Variants in ZNF292 observed in about 807,000 individuals in gnomAD.
ZNF292 encodes 16 zinc-finger domain protein.
A neutral mutation model predicts 217.9 loss-of-function variants in ZNF292; 26 were observed. That is an observed-to-expected ratio of 0.12 (90% CI 0.09 to 0.17). ZNF292 has a LOEUF of 0.17. Ranked by LOEUF, ZNF292 falls within the 10% of genes least tolerant of loss-of-function variation. ZNF292 has a pLI of 1.00. For synonymous variants in ZNF292, 1,257 were observed against 1,124.1 expected, an observed-to-expected ratio of 1.12 and a Z score of -2.37; for missense variants, 2,904 against 3,175.2, an observed-to-expected ratio of 0.91 and a Z score of 2.05.
intron 1 of ZNF292, among the ~76,000 whole-genome samples, chr6:87,159,122 GT>G (rs890449230): frequency 1.3e-5 from 2 of 152,304 alleles, no homozygotes; most frequent in African/African-American, 4.8e-5. Flanking sequence ...ATGATCCGTA[GT>G]TTATAGATTT....
chr6:87,189,205 AG>A (rs879450177), intron 1 of ZNF292, among the ~76,000 whole-genome samples: 1 of 152,068 alleles, frequency 6.6e-6, no homozygotes, highest in African/African-American at 2.4e-5. Flanking sequence ...ACTCCAACTC[AG>A]AAATAAATAA....
intron 4 of ZNF292, among the ~76,000 whole-genome samples, chr6:87,225,784 C>G (rs1220075420): frequency 6.6e-6 from 1 of 152,112 alleles, no homozygotes; most frequent in Admixed American, 6.5e-5. Flanking sequence ...AAATCTTAAG[C>G]TTATCAAAGA....
At chr6:87,211,916 T>A (rs753112575) in intron 1 of ZNF292, among the ~76,000 whole-genome samples, 1 of 152,164 alleles carries the variant, frequency 6.6e-6, no homozygotes, top group South Asian at 2.1e-4. Flanking sequence ...AATATAAATA[T>A]ATGTGTATAG....
At chr6:87,239,612 G>A (rs1295790027) in intron 5 of ZNF292, among the ~76,000 whole-genome samples, 1 of 149,484 alleles carries the variant, frequency 6.7e-6, no homozygotes, top group African/African-American at 2.5e-5. Flanking sequence ...GCTGGACGGA[G>A]GGGCTCCTCA....
rs138544779 is a variant in ZNF292 at position 87,247,236 on chromosome 6, AACCACCCCCTC to A, written c.1020+1599_1020+1609del. Among the ~76,000 whole-genome samples, 972 of 150,672 alleles carry A rather than the reference AACCACCCCCTC, an allele frequency of 6.5e-3. 17 individuals are homozygous for A. Among genetic ancestry groups the A allele is most frequent in the African/African-American group, 0.023 (948 of 40,882 alleles). On this transcript the variant is annotated intron_variant, in intron 7 of 7. Coordinates refer to ENST00000369577, the MANE Select transcript of ZNF292 (RefSeq NM_015021.3). ...CTACTTGGGTAGGTAGATCTGAAAC[AACCACCCCCTC>A]ACCACCGCCCCCTGCCACCCGCAAC...
At chr6:87,239,940 C>G (rs1582480534) in intron 5 of ZNF292, among the ~76,000 whole-genome samples, 1 of 151,804 alleles carries the variant, frequency 6.6e-6, no homozygotes, top group African/African-American at 2.4e-5. Flanking sequence ...CCTCACTTCC[C>G]AGACGGGGTG....
intron 1 of ZNF292, among the ~76,000 whole-genome samples, chr6:87,165,757 C>CTTTTTT (rs71014998): frequency 2.3e-5 from 3 of 131,252 alleles, no homozygotes; most frequent in Admixed American, 7.9e-5. Context: ...GTTTACATTT[C>CTTTTTT]TTTTTTTTTT....
intron 5 of ZNF292, among the ~76,000 whole-genome samples, chr6:87,238,948 T>A (rs1414227793): frequency 6.6e-6 from 1 of 152,140 alleles, no homozygotes; most frequent in East Asian, 1.9e-4. Flanking sequence ...CCTTAATCCA[T>A]TTAACCCTGA....
rs370807498 is a variant in ZNF292 at position 87,257,978 on chromosome 6, A to G, written c.4349A>G (p.Asp1450Gly). The change falls in exon 8 of 8, where the codon GAT (aspartate) becomes GGT (glycine). Residue 1450 changes from aspartate (D) to glycine (G), a missense_variant. By Grantham distance (94) the Asp-to-Gly change is moderately conservative. Transcript: ENST00000369577. The part of the protein sequence containing the change: ...STFNPEACFK[D>G]PSFLQLLAEN... ...TTCAATCCAGAAGCATGTTTTAAAG[A>G]TCCATCATTTCTACAGCTTCTTGCT... 28 of 1,613,794 alleles carry G rather than the reference A, an allele frequency of 1.7e-5. No individual in the cohort carries two copies. The highest frequency in any genetic ancestry group is 1.7e-4 in the Admixed American group (10 of 59,984).
At chr6:87,208,172 A>G (rs1772326597) in intron 1 of ZNF292, among the ~76,000 whole-genome samples, 2 of 152,062 alleles carry the variant, frequency 1.3e-5, no homozygotes, top group Admixed American at 1.3e-4. Context: ...TTCCCCCACC[A>G]ATCTTATTTT....
chr6:87,233,193 C>T, intron 4 of ZNF292, 132 bp from the exon 5 acceptor site: 1 of 646,318 alleles, frequency 1.5e-6, no homozygotes, highest in South Asian at 2.2e-5. Context: ...TTGTGATAGC[C>T]TTACTAGCAA....
At chr6:87,206,432 T>G (rs1383375999) in intron 1 of ZNF292, among the ~76,000 whole-genome samples, 1 of 152,076 alleles carries the variant, frequency 6.6e-6, no homozygotes, top group Non-Finnish European at 1.5e-5. Context: ...TCATTCACAT[T>G]TTGCCATATT....
chr6:87,169,468 G>T (rs1389659399), intron 1 of ZNF292, among the ~76,000 whole-genome samples: 1 of 152,028 alleles, frequency 6.6e-6, no homozygotes, highest in Non-Finnish European at 1.5e-5. Flanking sequence ...GTGTTATACA[G>T]ATAATCAGAA....
intron 1 of ZNF292, among the ~76,000 whole-genome samples, chr6:87,159,366 T>A (rs1309706241): frequency 6.6e-6 from 1 of 151,804 alleles, no homozygotes; most frequent in Non-Finnish European, 1.5e-5. Flanking sequence ...AAATTTTAAA[T>A]TTTTTTATAT....
At position 87,258,259 on chromosome 6, in the gene ZNF292, A is replaced by G. The variant is rs766154099; in HGVS notation, c.4630A>G (p.Asn1544Asp). 4.0e-5 allele frequency: 64 copies of G among 1,613,174 alleles called. No homozygotes were observed. Among genetic ancestry groups the G allele is most frequent in the South Asian group, 2.1e-4 (19 of 90,938 alleles). The change falls in exon 8 of 8, where the codon AAC becomes GAC. Residue 1544 changes from asparagine to aspartate, a missense_variant. Asn to Asp is a conservative substitution (Grantham distance 23, BLOSUM62 1). Transcript: ENST00000369577. ...PPLLHTVCHP[N>D]TLLTNQNRTS... ...CCTGTTGCACACTGTATGCCATCCA[A>G]ACACCTTGCTGACCAACCAGAATAG... is the stretch of plus-strand genomic sequence containing the variant.
chr6:87,258,329 T>C lies in ZNF292; in HGVS notation c.4700T>C (p.Leu1567Ser), dbSNP rs1266943260. The change falls in exon 8 of 8, where the codon TTG (leucine) becomes TCG (serine). Residue 1567 changes from leucine to serine, a missense_variant. Physicochemically the swap from Leu to Ser is moderately radical, Grantham distance 145 (BLOSUM62 -2). Coordinates refer to ENST00000369577, the MANE Select transcript of ZNF292 (RefSeq NM_015021.3). ...TCCTCCATTGAGGAATGTAGCAGCTTGCCTGTTTTTCCAACGAATGACTTA... is the reference window on the plus strand; with the variant it reads ...TCCTCCATTGAGGAATGTAGCAGCTCGCCTGTTTTTCCAACGAATGACTTA... The part of the protein sequence containing the change: ...KTSSIEECSS[L>S]PVFPTNDLLL... 6.2e-7 allele frequency: 1 copy of C among 1,613,664 alleles called. No homozygotes were observed. The highest frequency in any genetic ancestry group is 2.2e-5 in the East Asian group (1 of 44,882).
intron 1 of ZNF292, among the ~76,000 whole-genome samples, chr6:87,186,298 A>C (rs1206783993): frequency 6.6e-6 from 1 of 152,238 alleles, no homozygotes; most frequent in Non-Finnish European, 1.5e-5. Context: ...CTGTAATGTT[A>C]CTTTATATTC....
intron 1 of ZNF292, 47 bp downstream of exon 1, chr6:87,155,806 G>A (rs758650655): frequency 6.6e-6 from 10 of 1,514,114 alleles, no homozygotes; most frequent in South Asian, 1.3e-5. Flanking sequence ...GCTAGAGGGG[G>A]AAGAGGGCGA....
chr6:87,185,901 G>T lies in ZNF292; in HGVS notation c.169-30002G>T, dbSNP rs1015778903. 2.0e-5 allele frequency among the ~76,000 whole-genome samples: 3 copies of T among 152,218 alleles called. No individual in the cohort carries two copies. In the East Asian group the frequency reaches 5.8e-4, roughly 29 times the overall value. On this transcript the variant is annotated intron_variant, in intron 1 of 7. Coordinates refer to ENST00000369577, the MANE Select transcript of ZNF292 (RefSeq NM_015021.3). ...GGAAAGGGGCTCAGGGACCTTCCACGCCCTGCCTGGGTACACCTCCCTCCA... is the reference window on the plus strand; with the variant it reads ...GGAAAGGGGCTCAGGGACCTTCCACTCCCTGCCTGGGTACACCTCCCTCCA...
Sources: allele counts gnomAD v4.1 joint callset (sites outside exome capture counted in the v4.1 genomes callset), GRCh38; gene constraint gnomAD v4.1.1; transcripts MANE v1.5; gene names NCBI Gene and HGNC (gene_info 2026-07-23, HGNC 2026-07-21).